SCFD2: variants seen among roughly 807,000 people sequenced by gnomAD.
SCFD2 encodes the protein sec1 family domain containing 2, also known as sec1 family domain-containing protein 2.
Under a neutral mutation model 58.9 loss-of-function variants are expected in SCFD2, and 54 were observed. That is an observed-to-expected ratio of 0.92 (90% CI 0.74 to 1.15). The LOEUF (loss-of-function observed/expected upper bound fraction) is 1.15. SCFD2 is among the 50% of genes most tolerant of loss of function. The pLI, the probability that SCFD2 is intolerant of heterozygous loss-of-function variation, is 0.00. For missense variants in SCFD2, 805 were observed against 836.6 expected, an observed-to-expected ratio of 0.96 and a Z score of 0.47; for synonymous variants, 321 against 335.9, an observed-to-expected ratio of 0.96 and a Z score of 0.49.
intron 5 of SCFD2, among the ~76,000 whole-genome samples, chr4:52,963,444 T>C (rs138679653): frequency 6.6e-6 from 1 of 152,338 alleles, no homozygotes; most frequent in Non-Finnish European, 1.5e-5. Flanking sequence ...TTCCCATATC[T>C]TGGAGTCGGG....
chr4:53,113,081 T>A (rs1415312649), intron 5 of SCFD2, among the ~76,000 whole-genome samples: 4 of 152,184 alleles, frequency 2.6e-5, no homozygotes, highest in Admixed American at 2.6e-4. Flanking sequence ...GTTAGTCACA[T>A]TTTGTGCTTC....
chr4:53,282,774 ACT>A (rs1577928773), intron 3 of SCFD2, among the ~76,000 whole-genome samples: 2 of 152,274 alleles, frequency 1.3e-5, no homozygotes, highest in Non-Finnish European at 2.9e-5. Context: ...CAATAATTGA[ACT>A]CTGTTTTTTT....
chr4:53,350,006 G>A (rs1229160405), intron 2 of SCFD2, among the ~76,000 whole-genome samples: 2 of 152,076 alleles, frequency 1.3e-5, no homozygotes, highest in Non-Finnish European at 2.9e-5. Context: ...CTATAAACGG[G>A]GACGCTAAGA....
chr4:53,200,425 A>G (rs1186454039), intron 4 of SCFD2, among the ~76,000 whole-genome samples: 2 of 152,096 alleles, frequency 1.3e-5, no homozygotes, highest in South Asian at 2.1e-4. Context: ...ATCTCCAAAA[A>G]CTTTGAACTA....
intron 5 of SCFD2, among the ~76,000 whole-genome samples, chr4:53,074,521 G>A (rs185019541): frequency 6.6e-6 from 1 of 152,130 alleles, no homozygotes; most frequent in African/African-American, 2.4e-5. Context: ...ATCCATCAGA[G>A]GAATCACTAC....
chr4:52,975,459 A>T (rs1207654490), intron 5 of SCFD2, among the ~76,000 whole-genome samples: 1 of 152,252 alleles, frequency 6.6e-6, no homozygotes, highest in Non-Finnish European at 1.5e-5. Flanking sequence ...TGCAAATCAA[A>T]ACCACAATGA....
At chr4:52,968,394 ACATG>A (rs1429573988) in intron 5 of SCFD2, among the ~76,000 whole-genome samples, 1 of 152,246 alleles carries the variant, frequency 6.6e-6, no homozygotes, top group African/African-American at 2.4e-5. Context: ...GCAAGTCAGA[ACATG>A]CAGGCATACT....
chr4:53,067,287 G>A (rs1436504738), intron 5 of SCFD2, among the ~76,000 whole-genome samples: 1 of 151,872 alleles, frequency 6.6e-6, no homozygotes, highest in Non-Finnish European at 1.5e-5. Context: ...TTTCAAACAT[G>A]CTTTACTCAT....
At chr4:52,958,531 C>T (rs1045890237) in intron 5 of SCFD2, among the ~76,000 whole-genome samples, 1 of 152,124 alleles carries the variant, frequency 6.6e-6, no homozygotes, top group Non-Finnish European at 1.5e-5. Flanking sequence ...ACGGTTTCAC[C>T]CCCACCCTCA....
chr4:53,191,188 A>C (rs1727881831), intron 4 of SCFD2, among the ~76,000 whole-genome samples: 3 of 152,128 alleles, frequency 2.0e-5, no homozygotes, highest in Admixed American at 6.5e-5. Flanking sequence ...ATCTCTACTA[A>C]AAATACGAAA....
chr4:53,237,802 G>A (rs1347632576), intron 4 of SCFD2, among the ~76,000 whole-genome samples: 1 of 43,352 alleles, frequency 2.3e-5, no homozygotes, highest in Non-Finnish European at 4.8e-5. Context: ...CGGACGGGGC[G>A]GCTGGCCGGG....
chr4:53,217,850 T>C (rs940037814), intron 4 of SCFD2, among the ~76,000 whole-genome samples: 7 of 152,216 alleles, frequency 4.6e-5, no homozygotes, highest in Non-Finnish European at 1.0e-4. Context: ...GGTGACAAAA[T>C]CTCTCAGCAT....
intron 7 of SCFD2, among the ~76,000 whole-genome samples, chr4:52,890,555 G>A (rs1718858124): frequency 6.6e-6 from 1 of 152,198 alleles, no homozygotes; most frequent in East Asian, 1.9e-4. Flanking sequence ...AGTCCTGTTT[G>A]CATGTTTGCA....
rs11133260 is a variant in SCFD2 at position 53,298,526 on chromosome 4, T to G, written c.1135+15110A>C. On this transcript the variant is annotated intron_variant, in intron 3 of 8. Coordinates refer to ENST00000401642, the MANE Select transcript of SCFD2 (RefSeq NM_152540.4). ...TAGGCTCCACCTCTGGGGGCAGGGCTCAGACAAACAAAAGACAGCAATAAC... is the reference window on the plus strand; with the variant it reads ...TAGGCTCCACCTCTGGGGGCAGGGCGCAGACAAACAAAAGACAGCAATAAC... Among the ~76,000 whole-genome samples the G allele has an allele frequency of 4.5e-3, 686 of 152,134 alleles. 2 individuals are homozygous for G. The highest frequency in any genetic ancestry group is 7.2e-3 in the Non-Finnish European group (490 of 67,990).
intron 2 of SCFD2, among the ~76,000 whole-genome samples, chr4:53,322,463 T>C (rs572837401): frequency 1.3e-4 from 20 of 152,316 alleles, no homozygotes; most frequent in African/African-American, 4.1e-4. Flanking sequence ...GATAACAACG[T>C]ATTAACTGTT....
rs551679737 is a variant in SCFD2, at chr4:53,006,238, T to C, written c.1562-85368A>G. Among the ~76,000 whole-genome samples, 357 of 152,290 alleles carry C rather than the reference T, an allele frequency of 2.3e-3. 4 individuals carry two copies. The highest frequency in any genetic ancestry group is 6.8e-3 in the Middle Eastern group (2 of 294). The stretch of plus-strand genomic sequence containing the variant: ...CCAATCACTGTGCCTTCTGGACTCA[T>C]GTCCATCACCAGCAAAAGCCTCTAT... On this transcript the variant is annotated intron_variant, in intron 5 of 8. Transcript: ENST00000401642.
chr4:53,033,488 T>C (rs1206970100), intron 5 of SCFD2, among the ~76,000 whole-genome samples: 2 of 151,842 alleles, frequency 1.3e-5, no homozygotes, highest in African/African-American at 4.8e-5. Flanking sequence ...CTGAAGGAGA[T>C]AGAGACACGA....
intron 5 of SCFD2, among the ~76,000 whole-genome samples, chr4:53,021,207 C>CA (rs1160603478): frequency 6.6e-6 from 1 of 152,132 alleles, no homozygotes. Context: ...TGTCTGAGGT[C>CA]AAATCTAAAT....
At position 53,278,794 on chromosome 4, in the gene SCFD2, G is replaced by A. The variant is rs558305521; in HGVS notation, c.1136-4793C>T. Among the ~76,000 whole-genome samples the A allele has an allele frequency of 2.0e-5, 3 of 149,674 alleles. No homozygotes were observed. The South Asian group carries it at 6.5e-4, about 32-fold the overall frequency. On this transcript the variant is annotated intron_variant, in intron 3 of 8. Transcript: ENST00000401642. The stretch of plus-strand genomic sequence containing the variant: ...ACTCATGACACTACTCCTTCGTTAG[G>A]TATAAATCACGACAGCAGATTTTTT...
Sources: gnomAD v4.1 joint callset for allele counts (sites outside exome capture counted in the v4.1 genomes callset) on GRCh38, gnomAD v4.1.1 for gene constraint, MANE v1.5 for transcripts, NCBI Gene and HGNC (gene_info 2026-07-23, HGNC 2026-07-21) for gene names.